Variants in SYN2 observed in about 807,000 individuals in gnomAD.
SYN2 encodes the protein synapsin II, also known as synapsin-2.
A neutral mutation model predicts 50.9 loss-of-function variants in SYN2; 19 were observed. The ratio of observed to expected loss-of-function variants is 0.37; its 90% confidence interval spans 0.26 to 0.55. The LOEUF is 0.55. Among genes scored for constraint, SYN2 ranks in the 20% least tolerant of loss-of-function variants. The pLI, the probability that SYN2 is intolerant of heterozygous loss-of-function variation, is 0.81. For missense variants in SYN2, 587 were observed against 576.4 expected (o/e 1.02, Z -0.19); for synonymous variants, 255 against 224.9 (o/e 1.13, Z -1.20).
chr3:12,190,417 C>T, intron 12 of SYN2, 73 bp from the exon 13 acceptor site: 1 of 1,559,916 alleles, frequency 6.4e-7, no homozygotes, highest in Non-Finnish European at 8.8e-7. Flanking sequence ...GCTGTGTATC[C>T]TCACGTCACC....
At chr3:12,161,715 C>T in intron 6 of SYN2, 107 bp downstream of exon 6, 1 of 1,345,524 alleles carries the variant, frequency 7.4e-7, no homozygotes, top group South Asian at 1.2e-5. Flanking sequence ...TGAATTCTTT[C>T]CAAAGAGAAG....
At chr3:12,122,846 A>T (rs1378515559) in intron 1 of SYN2, among the ~76,000 whole-genome samples, 3 of 152,214 alleles carry the variant, frequency 2.0e-5, no homozygotes, top group Non-Finnish European at 2.9e-5. Context: ...CTGTAAAATT[A>T]ATAGATTTAA....
chr3:12,135,937 C>T (rs1199125735), intron 1 of SYN2, among the ~76,000 whole-genome samples: 1 of 152,160 alleles, frequency 6.6e-6, no homozygotes, highest in East Asian at 1.9e-4. Flanking sequence ...AAGACATAAT[C>T]AGTATTTAAA....
rs145032754 is a variant in SYN2, at chr3:12,073,088, C to G, written c.378-67563C>G. Among the ~76,000 whole-genome samples, 1,051 of 152,214 alleles carry G rather than the reference C, an allele frequency of 6.9e-3. 12 individuals carry two copies. Among genetic ancestry groups the G allele is most frequent in the African/African-American group, 0.024 (979 of 41,524 alleles). ...TTCATGGAAGGGTATAATCATGGCTCCCAACATTCTACAGTTTCAATGTGG... is the reference window on the plus strand; with the variant it reads ...TTCATGGAAGGGTATAATCATGGCTGCCAACATTCTACAGTTTCAATGTGG... On this transcript the variant is annotated intron_variant, in intron 1 of 12. Transcript: ENST00000621198.
chr3:12,128,564 T>C (rs1319704359), intron 1 of SYN2, among the ~76,000 whole-genome samples: 2 of 152,228 alleles, frequency 1.3e-5, no homozygotes, highest in Non-Finnish European at 2.9e-5. Context: ...GGGAATATTA[T>C]CTTGTTAATT....
At chr3:12,115,886 C>G (rs1428128938) in intron 1 of SYN2, among the ~76,000 whole-genome samples, 9 of 152,186 alleles carry the variant, frequency 5.9e-5, no homozygotes, top group South Asian at 4.2e-4. Flanking sequence ...CTCTGTACAC[C>G]CATCTCCTAG....
chr3:12,143,621 A>T (rs1213214496), intron 3 of SYN2, among the ~76,000 whole-genome samples: 1 of 151,946 alleles, frequency 6.6e-6, no homozygotes, highest in African/African-American at 2.4e-5. Flanking sequence ...ACATGATTTT[A>T]TTTTTTTAAT....
chr3:12,116,831 G>C (rs1037219257), intron 1 of SYN2, among the ~76,000 whole-genome samples: 6 of 152,054 alleles, frequency 3.9e-5, no homozygotes, highest in South Asian at 2.1e-4. Context: ...GCTCCCTGTA[G>C]CCTCACCTTC....
chr3:12,153,729 A>G (rs372705116), intron 5 of SYN2: 113 of 1,613,870 alleles, frequency 7.0e-5, no homozygotes, highest in Admixed American at 1.0e-4. Context: ...TCATGGCCAC[A>G]CAACATTAAA....
intron 1 of SYN2, among the ~76,000 whole-genome samples, chr3:12,117,306 C>G (rs1204240177): frequency 2.6e-5 from 4 of 152,164 alleles, no homozygotes; most frequent in Non-Finnish European, 5.9e-5. Context: ...CAACAAGGCA[C>G]TTTCTTCCAG....
intron 1 of SYN2, among the ~76,000 whole-genome samples, chr3:12,122,875 GACTT>G (rs1320379305): frequency 4.0e-5 from 6 of 151,204 alleles, no homozygotes; most frequent in Non-Finnish European, 8.9e-5. Flanking sequence ...GAACAAGAAA[GACTT>G]AAAAAAAAAC....
chr3:12,169,313 G>T (rs1207808321), intron 9 of SYN2, among the ~76,000 whole-genome samples: 1 of 152,180 alleles, frequency 6.6e-6, no homozygotes, highest in African/African-American at 2.4e-5. Flanking sequence ...GGATGAACCT[G>T]GTCATTTAGT....
At chr3:12,043,593 C>G (rs1463224165) in intron 1 of SYN2, among the ~76,000 whole-genome samples, 2 of 152,098 alleles carry the variant, frequency 1.3e-5, no homozygotes, top group Non-Finnish European at 1.5e-5. Flanking sequence ...AATATTCTGT[C>G]ATTTTGTTTT....
intron 1 of SYN2, among the ~76,000 whole-genome samples, chr3:12,053,689 G>A (rs1288627477): frequency 6.6e-6 from 1 of 151,920 alleles, no homozygotes; most frequent in African/African-American, 2.4e-5. Context: ...AGAGTTAATA[G>A]TATTCTCATG....
At chr3:12,113,149 GAT>G (rs1696360272) in intron 1 of SYN2, among the ~76,000 whole-genome samples, 1 of 152,100 alleles carries the variant, frequency 6.6e-6, no homozygotes, top group South Asian at 2.1e-4. Flanking sequence ...GTGCTCTAGG[GAT>G]ATTTGTGGTC....
intron 3 of SYN2, among the ~76,000 whole-genome samples, chr3:12,144,940 A>C (rs1697112782): frequency 6.6e-6 from 1 of 152,208 alleles, no homozygotes; most frequent in Non-Finnish European, 1.5e-5. Flanking sequence ...CTGAGGCACA[A>C]GAATCTCTTG....
At chr3:12,186,343 T>C (rs1323866637) in intron 11 of SYN2, among the ~76,000 whole-genome samples, 1 of 152,190 alleles carries the variant, frequency 6.6e-6, no homozygotes, top group Admixed American at 6.5e-5. Flanking sequence ...CAGCAAACTC[T>C]AGGCAATCTG....
intron 1 of SYN2, among the ~76,000 whole-genome samples, chr3:12,101,211 A>C (rs1010243085): frequency 1.3e-5 from 2 of 152,200 alleles, no homozygotes; most frequent in Admixed American, 1.3e-4. Context: ...GGTTCATATT[A>C]GTCTAAAGTG....
chr3:12,034,864 A>G (rs923013469), intron 1 of SYN2, among the ~76,000 whole-genome samples: 1 of 152,146 alleles, frequency 6.6e-6, no homozygotes, highest in Non-Finnish European at 1.5e-5. Context: ...CATGCAAAAT[A>G]TATTTATTCA....
Sources: allele counts gnomAD v4.1 joint callset (sites outside exome capture counted in the v4.1 genomes callset), GRCh38; gene constraint gnomAD v4.1.1; transcripts MANE v1.5; gene names NCBI Gene and HGNC (gene_info 2026-07-23, HGNC 2026-07-21).